The following ZNF341 variants were observed in gnomAD, a reference collection of about 807,000 sequenced individuals.
ZNF341 encodes zinc finger protein 341.
Under a neutral mutation model 87.7 loss-of-function variants are expected in ZNF341, and 52 were observed. The ratio of observed to expected loss-of-function variants is 0.59; its 90% CI spans 0.47 to 0.75. The LOEUF is 0.75. Ranked by LOEUF, ZNF341 falls within the 30% of genes least tolerant of loss-of-function variation. The probability of loss-of-function intolerance (pLI) is 0.00; values close to 1 mark genes in which losing one functional copy is unlikely to be tolerated. For synonymous variants in ZNF341, 459 were observed against 472.7 expected, an observed-to-expected ratio of 0.97 and a Z score of 0.38; for missense variants, 977 against 1,145.9, an observed-to-expected ratio of 0.85 and a Z score of 2.13.
At chr20:33,764,126 G>A (rs1334011743) in intron 8 of ZNF341, among the ~76,000 whole-genome samples, 1 of 146,948 alleles carries the variant, frequency 6.8e-6, no homozygotes, top group Non-Finnish European at 1.5e-5. Flanking sequence ...CTGGGTTCAC[G>A]CCATTTTCCT....
rs774864209 is a variant in ZNF341, at chr20:33,740,918, C to T, written c.48C>T (p.Thr16=). ...FEALEGMDNQ[T]VLAVQSLLDG... ...TTTTTTCAGGAATGGACAATCAGAC[C>T]GTTCTGGCTGTCCAGTCATTATTGG... Residue 16 remains threonine, a synonymous_variant, in exon 2 of 15, where the codon ACC becomes ACT. Transcript: ENST00000375200. 9.9e-6 allele frequency: 16 copies of T among 1,614,006 alleles called. No individual in the cohort carries two copies. The highest frequency in any genetic ancestry group is 4.5e-5 in the East Asian group (2 of 44,890).
In ZNF341 at chr20:33,766,932, C is replaced by A; in HGVS notation, c.1304C>A (p.Ser435Tyr). Residue 435 changes from serine to tyrosine, a missense_variant, in exon 9 of 15, where the codon TCC becomes TAC. Physicochemically the swap from Ser to Tyr is moderately radical, Grantham distance 144. Coordinates refer to ENST00000375200, the MANE Select transcript of ZNF341 (RefSeq NM_001282933.2). ...AGEEEGDKPESKQVVLIDSSY... is the reference protein window; with the variant it reads ...AGEEEGDKPEYKQVVLIDSSY... ...GAGGAAGAGGGGGACAAGCCGGAGT[C>A]CAAGCAGGTGGTCCTCATCGACAGC... 2 of 1,614,184 alleles carry A rather than the reference C, an allele frequency of 1.2e-6. No individual in the cohort carries two copies. The highest frequency in any genetic ancestry group is 2.2e-5 in the South Asian group (2 of 91,076).
chr20:33,757,096 G>C, intron 5 of ZNF341, 52 bp from the exon 6 acceptor site: 1 of 1,350,382 alleles, frequency 7.4e-7, no homozygotes, highest in African/African-American at 1.5e-5. Flanking sequence ...CTGGCTGGGA[G>C]CTCTTCCCCT....
chr20:33,780,567 C>T (rs1030270521), intron 10 of ZNF341, among the ~76,000 whole-genome samples: 6 of 152,050 alleles, frequency 3.9e-5, no homozygotes, highest in African/African-American at 7.2e-5. Flanking sequence ...GCTACCACGC[C>T]TGGCTAATTT....
At position 33,791,117 on chromosome 20, in the gene ZNF341, G is replaced by A. The variant is rs557327910; in HGVS notation, c.2165G>A (p.Arg722His). Reference sequence around the variant, plus strand: ...GCTGGCTGCGCCAAGGGCTTTTCCCGCCACAAATACCTCAAAGATCACCGC... The same window carrying A: ...GCTGGCTGCGCCAAGGGCTTTTCCCACCACAAATACCTCAAAGATCACCGC... ...RCAGCAKGFS[R>H]HKYLKDHRCR... The change falls in exon 15 of 15, where the codon CGC (arginine) becomes CAC (histidine). Residue 722 changes from arginine (R) to histidine (H), a missense_variant. Arg to His is a conservative substitution (Grantham distance 29, BLOSUM62 0). Transcript: ENST00000375200. The A allele has an allele frequency of 3.1e-4, 508 of 1,613,322 alleles. 2 individuals carry two copies. The East Asian group carries it at 0.01, about 32-fold the overall frequency.
intron 10 of ZNF341, among the ~76,000 whole-genome samples, chr20:33,779,702 C>T (rs2019703001): frequency 6.6e-6 from 1 of 152,148 alleles, no homozygotes; most frequent in Admixed American, 6.5e-5. Flanking sequence ...CTGCCCACCT[C>T]AGCCTCCCAA....
At position 33,781,403 on chromosome 20, in the gene ZNF341, C is replaced by T; in HGVS notation, c.1719+16C>T. The T allele has an allele frequency of 3.7e-6, 6 of 1,611,848 alleles. No individual in the cohort carries two copies. Among genetic ancestry groups the T allele is most frequent in the Non-Finnish European group, 5.1e-6 (6 of 1,177,944 alleles). ...CTGCCAGAAGGTGGGTGCCACTGTCCTCTTTTCTGGGGCCTAGGCTATAAT... is the reference window on the plus strand; with the variant it reads ...CTGCCAGAAGGTGGGTGCCACTGTCTTCTTTTCTGGGGCCTAGGCTATAAT... On this transcript the variant is annotated intron_variant, in intron 11 of 14. Transcript: ENST00000375200.
intron 5 of ZNF341, among the ~76,000 whole-genome samples, chr20:33,754,003 G>A (rs1009774119): frequency 4.6e-5 from 7 of 152,144 alleles, no homozygotes; most frequent in Admixed American, 1.3e-4. Context: ...TCTGTTCTGC[G>A]TGACTCTCAT....
At chr20:33,776,311 T>G (rs1452258469) in intron 10 of ZNF341, among the ~76,000 whole-genome samples, 1 of 151,970 alleles carries the variant, frequency 6.6e-6, no homozygotes, top group Non-Finnish European at 1.5e-5. Context: ...CAGGCTTGTC[T>G]CAAATTCCTG....
intron 6 of ZNF341, 58 bp downstream of exon 6, chr20:33,757,401 C>G: frequency 7.3e-7 from 1 of 1,372,028 alleles, no homozygotes; most frequent in Non-Finnish European, 9.6e-7. Flanking sequence ...CCACAAGCTA[C>G]TTGGTTCTGG....
Position 33,762,045 on chromosome 20 carries a change from G to A in ZNF341, c.1212G>A (p.Glu404=). The change falls in exon 8 of 15, where the codon GAG becomes GAA. Residue 404 remains glutamate, a synonymous_variant. Transcript: ENST00000375200. ...MALNPSRQED[E]ESTGLGQPLP... is the part of the protein sequence containing the mutation. The stretch of plus-strand genomic sequence containing the variant: ...TGAACCCCAGCAGGCAGGAGGACGA[G>A]GAAAGCACAGGTGGGTGGAAGTAGG... 2 of 1,555,352 alleles carry A rather than the reference G, an allele frequency of 1.3e-6. No homozygotes were observed. Among genetic ancestry groups the A allele is most frequent in the Non-Finnish European group, 1.8e-6 (2 of 1,138,326 alleles).
rs777717216 is a variant in ZNF341 at position 33,791,152 on chromosome 20, G to A, written c.2200G>A (p.Gly734Ser). ...CCTCAAAGATCACCGCTGTCGTCTC[G>A]GCCCCCAAAAGGACAAGGACCTGCA... ...KYLKDHRCRL[G>S]PQKDKDLQTR... Residue 734 changes from glycine to serine, a missense_variant, in exon 15 of 15, where the codon GGC (glycine) becomes AGC (serine). By Grantham distance (56) the Gly-to-Ser change is moderately conservative. Coordinates refer to ENST00000375200, the MANE Select transcript of ZNF341 (RefSeq NM_001282933.2). The A allele has an allele frequency of 2.1e-5, 34 of 1,613,090 alleles. No homozygotes were observed. The highest frequency in any genetic ancestry group is 6.7e-5 in the East Asian group (3 of 44,880).
At chr20:33,767,464 A>G (rs1568948606) in intron 9 of ZNF341, among the ~76,000 whole-genome samples, 1 of 147,090 alleles carries the variant, frequency 6.8e-6, no homozygotes, top group Non-Finnish European at 1.5e-5. Flanking sequence ...TGCAACCTCC[A>G]CCTCCATGTT....
chr20:33,788,896 C>G lies in ZNF341; in HGVS notation c.1886C>G (p.Ser629Cys), dbSNP rs757735122. ...EKPYKCSVCE[S>C]AFNRKDKLKR... ...CCCTACAAATGCTCAGTGTGCGAGT[C>G]TGCGTTCAACCGCAAGGACAAACTG... is the stretch of plus-strand genomic sequence containing the variant. Residue 629 changes from serine (S) to cysteine (C), a missense_variant, in exon 13 of 15, where the codon TCT becomes TGT. By Grantham distance (112) the Ser-to-Cys change is moderately radical (BLOSUM62 -1). Around this residue, in one of 3 missense-constraint regions of ZNF341, gnomAD observed 241 missense variants for 335.0 expected, o/e 0.72. Coordinates refer to ENST00000375200, the MANE Select transcript of ZNF341 (RefSeq NM_001282933.2). 4 of 1,614,096 alleles carry G rather than the reference C, an allele frequency of 2.5e-6. No homozygotes were observed. Among genetic ancestry groups the G allele is most frequent in the Non-Finnish European group, 2.5e-6 (3 of 1,180,030 alleles).
At chr20:33,787,668 C>T (rs2019896561) in intron 12 of ZNF341, 1 of 152,228 alleles carries the variant, frequency 6.6e-6, no homozygotes, top group Non-Finnish European at 1.5e-5. Flanking sequence ...CTGGGTAGCT[C>T]AGATGGGCTC....
chr20:33,733,172 G>A (rs2018611553), intron 1 of ZNF341, among the ~76,000 whole-genome samples: 1 of 149,088 alleles, frequency 6.7e-6, no homozygotes, highest in Non-Finnish European at 1.5e-5. Flanking sequence ...TCCGCCTCCT[G>A]AGTAGCTGGG....
intron 11 of ZNF341, 54 bp from the exon 12 acceptor site, chr20:33,783,678 G>A: frequency 6.2e-7 from 1 of 1,611,976 alleles, no homozygotes. Context: ...TCAGAAGATG[G>A]CCAGGGGAGG....
At chr20:33,746,120 G>A (rs1259452088) in intron 3 of ZNF341, among the ~76,000 whole-genome samples, 17 of 151,276 alleles carry the variant, frequency 1.1e-4, no homozygotes, top group African/African-American at 2.4e-4. Flanking sequence ...TAGTAGAGAC[G>A]GGGTTTCACC....
chr20:33,740,411 GGCCATCTTT>G (rs1012713025), intron 1 of ZNF341, among the ~76,000 whole-genome samples: 1 of 152,080 alleles, frequency 6.6e-6, no homozygotes, highest in African/African-American at 2.4e-5. Context: ...TTTATTTGGG[GGCCATCTTT>G]GCAGCCCAAA....
Sources: allele counts gnomAD v4.1 joint callset (sites outside exome capture counted in the v4.1 genomes callset), GRCh38; gene constraint gnomAD v4.1.1; regional missense constraint gnomAD v4.1.1; transcripts MANE v1.5; gene names NCBI Gene and HGNC (gene_info 2026-07-23, HGNC 2026-07-21).